Variants in AGBL4 observed in about 807,000 individuals in gnomAD.
AGBL4 encodes AGBL carboxypeptidase 4.
In AGBL4, 58 loss-of-function variants were observed where a neutral mutation model predicts 66.4. The observed-to-expected ratio is 0.87, with a 90% confidence interval of 0.71 to 1.09. AGBL4 has a LOEUF of 1.09. Among genes scored for constraint, AGBL4 ranks in the 50% least tolerant of loss-of-function variants. The pLI, the probability that AGBL4 is intolerant of heterozygous loss-of-function variation, is 0.00. For synonymous variants in AGBL4, 234 were observed against 222.9 expected (o/e 1.05, Z -0.44); for missense variants, 579 against 631.0 (o/e 0.92, Z 0.88).
At chr1:50,005,674 C>T (rs557681174) in intron 1 of AGBL4, among the ~76,000 whole-genome samples, 27 of 152,232 alleles carry the variant, frequency 1.8e-4, no homozygotes, top group Admixed American at 1.5e-3. Flanking sequence ...CACCAGTGAC[C>T]AATTCTGGAG....
intron 2 of AGBL4, among the ~76,000 whole-genome samples, chr1:49,713,763 G>A (rs1477897181): frequency 6.6e-6 from 1 of 151,916 alleles, no homozygotes; most frequent in Non-Finnish European, 1.5e-5. Context: ...TTGTACAAAG[G>A]AGGAACAATG....
chr1:49,878,642 T>A (rs1256403289), intron 1 of AGBL4, among the ~76,000 whole-genome samples: 1 of 152,022 alleles, frequency 6.6e-6, no homozygotes, highest in Non-Finnish European at 1.5e-5. Flanking sequence ...TTCTGTTGAT[T>A]TGGGGTGGAG....
chr1:49,143,809 A>G (rs2148102431), intron 4 of AGBL4, among the ~76,000 whole-genome samples: 1 of 152,248 alleles, frequency 6.6e-6, no homozygotes, highest in East Asian at 1.9e-4. Context: ...GACTGAAATT[A>G]CTGCTCTTTG....
chr1:49,993,882 C>A (rs533047887), intron 1 of AGBL4, among the ~76,000 whole-genome samples: 7 of 152,148 alleles, frequency 4.6e-5, no homozygotes, highest in Non-Finnish European at 1.0e-4. Context: ...TAAGTATTTA[C>A]TATCACTGTA....
intron 3 of AGBL4, among the ~76,000 whole-genome samples, chr1:49,675,136 C>A (rs530670740): frequency 1.3e-5 from 2 of 152,052 alleles, no homozygotes; most frequent in Non-Finnish European, 1.5e-5. Flanking sequence ...TAGTGATTGT[C>A]ATTCTGTTTT....
chr1:48,790,235 G>A (rs1403089567), intron 6 of AGBL4, among the ~76,000 whole-genome samples: 1 of 152,168 alleles, frequency 6.6e-6, no homozygotes, highest in Non-Finnish European at 1.5e-5. Context: ...TACGAGCAAA[G>A]CCTTCTCTTT....
intron 3 of AGBL4, among the ~76,000 whole-genome samples, chr1:49,480,079 G>T (rs902174134): frequency 6.6e-6 from 1 of 151,964 alleles, no homozygotes; most frequent in Non-Finnish European, 1.5e-5. Flanking sequence ...TGTGAATAGT[G>T]CTACAATGAA....
chr1:48,758,836 G>C lies in AGBL4; in HGVS notation c.635-95595C>G, dbSNP rs1253657839. ...TCTCCCTCTCCCCTTTCCCTTCCTG[G>C]AAGAGGATCTGCATGAAGTATTTCA... On this transcript the variant is annotated intron_variant, in intron 6 of 13. Coordinates refer to ENST00000371839, the MANE Select transcript of AGBL4 (RefSeq NM_032785.4). The C allele has an allele frequency of 8.7e-6, 12 of 1,385,562 alleles. No homozygotes were observed. The Admixed American group carries it at 2.7e-4, about 32-fold the overall frequency. The allele number at this position is 1,385,562 out of a possible 1,614,324, so 85.8% of individuals were successfully genotyped here.
At chr1:49,995,825 G>C (rs1423470295) in intron 1 of AGBL4, 2 of 153,102 alleles carry the variant, frequency 1.3e-5, no homozygotes, top group African/African-American at 4.8e-5. Context: ...AGCAGGTGCT[G>C]GTATCCACTG....
chr1:49,668,325 CA>C (rs1175695803), intron 3 of AGBL4, among the ~76,000 whole-genome samples: 1 of 152,062 alleles, frequency 6.6e-6, no homozygotes, highest in African/African-American at 2.4e-5. Flanking sequence ...TTAATTCACA[CA>C]GGCTGTTATT....
At chr1:48,617,193 G>A (rs1449586990) in intron 9 of AGBL4, among the ~76,000 whole-genome samples, 4 of 152,148 alleles carry the variant, frequency 2.6e-5, no homozygotes, top group African/African-American at 9.7e-5. Flanking sequence ...TTTTATGACT[G>A]TGACAACACT....
intron 4 of AGBL4, among the ~76,000 whole-genome samples, chr1:49,163,280 C>T (rs1002947553): frequency 6.6e-6 from 1 of 152,088 alleles, no homozygotes; most frequent in Non-Finnish European, 1.5e-5. Flanking sequence ...AAGACACTTT[C>T]CTCCTTCTCA....
At chr1:49,629,227 G>C (rs1225838688) in intron 3 of AGBL4, among the ~76,000 whole-genome samples, 1 of 152,206 alleles carries the variant, frequency 6.6e-6, no homozygotes, top group African/African-American at 2.4e-5. Context: ...GACGGAGATA[G>C]CATGGCCACA....
intron 1 of AGBL4, among the ~76,000 whole-genome samples, chr1:49,965,895 T>A (rs912764085): frequency 6.6e-6 from 1 of 151,444 alleles, no homozygotes. Context: ...AGCAAAAAAA[T>A]AATAATAATA....
intron 6 of AGBL4, among the ~76,000 whole-genome samples, chr1:48,783,625 G>A (rs565890159): frequency 1.3e-5 from 2 of 152,312 alleles, no homozygotes; most frequent in Admixed American, 6.5e-5. Flanking sequence ...TCTCACCTGT[G>A]AAGGTGTTGT....
At chr1:49,593,125 T>C (rs890481019) in intron 3 of AGBL4, among the ~76,000 whole-genome samples, 1 of 152,218 alleles carries the variant, frequency 6.6e-6, no homozygotes, top group Admixed American at 6.5e-5. Flanking sequence ...TGGGTAATAC[T>C]AGGCTGGGCG....
chr1:48,603,659 C>T (rs1171280977), intron 9 of AGBL4, among the ~76,000 whole-genome samples: 2 of 152,018 alleles, frequency 1.3e-5, no homozygotes, highest in Non-Finnish European at 2.9e-5. Flanking sequence ...GAAATTATAA[C>T]AGGATTACAT....
chr1:49,495,671 C>T (rs1336643198), intron 3 of AGBL4, among the ~76,000 whole-genome samples: 2 of 151,734 alleles, frequency 1.3e-5, no homozygotes, highest in East Asian at 3.9e-4. Context: ...TAATAGGGGT[C>T]TTAATGGTTT....
At chr1:49,894,828 A>AAG (rs1488170558) in intron 1 of AGBL4, among the ~76,000 whole-genome samples, 2 of 152,106 alleles carry the variant, frequency 1.3e-5, no homozygotes, top group African/African-American at 2.4e-5. Context: ...GGGAGATGAA[A>AAG]AGAGAGAGAG....
Sources: gnomAD v4.1 joint callset for allele counts (sites outside exome capture counted in the v4.1 genomes callset) on GRCh38, gnomAD v4.1.1 for gene constraint, MANE v1.5 for transcripts, NCBI Gene and HGNC (gene_info 2026-07-23, HGNC 2026-07-21) for gene names.